Variants in PCNT observed in about 807,000 individuals in gnomAD.
PCNT encodes the protein kendrin.
A neutral mutation model predicts 380.4 loss-of-function variants in PCNT; 319 were observed. The observed-to-expected ratio is 0.84, with a 90% CI of 0.77 to 0.92. The LOEUF (loss-of-function observed/expected upper bound fraction) is 0.92. Among genes scored for constraint, PCNT ranks in the 40% least tolerant of loss-of-function variants. PCNT has a pLI of 0.00. For missense variants in PCNT, 4,400 were observed against 4,255.3 expected (o/e 1.03, Z -0.95); for synonymous variants, 1,845 against 1,735.2 (o/e 1.06, Z -1.57).
At chr21:46,352,406 G>A (rs941584402) in intron 9 of PCNT, among the ~76,000 whole-genome samples, 2 of 152,146 alleles carry the variant, frequency 1.3e-5, no homozygotes, top group Non-Finnish European at 2.9e-5. Context: ...AGAAGCTGAG[G>A]GGGCCACAGG....
intron 1 of PCNT, chr21:46,325,209 A>T (rs752114704): frequency 4.0e-5 from 39 of 985,084 alleles, no homozygotes; most frequent in Non-Finnish European, 4.6e-5. Flanking sequence ...GGCCTCTGCG[A>T]GGTGCGCGCC....
chr21:46,403,837 C>T (rs543622052), intron 27 of PCNT, among the ~76,000 whole-genome samples: 2 of 140,002 alleles, frequency 1.4e-5, no homozygotes, highest in South Asian at 2.3e-4. Context: ...ATCAACTCAG[C>T]GTGGGAGAAT....
Position 46,431,546 on chromosome 21 carries a change from GGA to G in PCNT, c.8085_8086del (p.Glu2695AspfsTer47). The G allele has an allele frequency of 6.2e-7, 1 of 1,614,066 alleles. No homozygotes were observed. Among genetic ancestry groups the G allele is most frequent in the South Asian group, 1.1e-5 (1 of 91,090 alleles). ...KALEELRASL[E>X]TQRAQSSRLC... Reference sequence around the variant, plus strand: ...CTGTCTAGGAGCTGCGGGCGTCTTTGGAGACACAGCGTGCTCAGAGCAGTCGA... The same window carrying G: ...CTGTCTAGGAGCTGCGGGCGTCTTTGGACACAGCGTGCTCAGAGCAGTCGA... On this transcript the variant is annotated frameshift_variant, in exon 38 of 47. Transcript: ENST00000359568. LOFTEE classifies it high-confidence loss of function.
chr21:46,423,800 AGAAGGG>A (rs2087366525), intron 32 of PCNT, among the ~76,000 whole-genome samples: 2 of 33,444 alleles, frequency 6.0e-5, no homozygotes, highest in African/African-American at 1.1e-4. Flanking sequence ...GAGGAGGAAG[AGAAGGG>A]GGAGTGGGAG....
At chr21:46,420,388 C>T (rs1024107340) in intron 31 of PCNT, among the ~76,000 whole-genome samples, 2 of 152,156 alleles carry the variant, frequency 1.3e-5, no homozygotes, top group African/African-American at 4.8e-5. Context: ...AACATTTGTG[C>T]TGAGTGTTCT....
rs768475159 is a variant in PCNT at position 46,349,733 on chromosome 21, A to T, written c.1257A>T (p.Leu419Phe). 4 of 1,613,970 alleles carry T rather than the reference A, an allele frequency of 2.5e-6. No homozygotes were observed. The East Asian group carries it at 8.9e-5, about 36-fold the overall frequency. The change falls in exon 8 of 47, where the codon TTA (leucine) becomes TTT (phenylalanine). Residue 419 changes from leucine to phenylalanine, a missense_variant. By Grantham distance (22) the Leu-to-Phe change is conservative. Coordinates refer to ENST00000359568, the MANE Select transcript of PCNT (RefSeq NM_006031.6). Reference protein sequence around the residue: ...ESHHQAAIEKLREDLQSEHGR... With the variant: ...ESHHQAAIEKFREDLQSEHGR... ...ATCATCAAGCAGCCATTGAGAAGTT[A>T]CGTGAAGACCTGCAGTCCGAGCACG...
intron 15 of PCNT, among the ~76,000 whole-genome samples, chr21:46,371,887 CACACAGCACAT>C (rs2085143997): frequency 1.3e-5 from 2 of 150,352 alleles, no homozygotes; most frequent in Admixed American, 6.6e-5. Flanking sequence ...AGCACATGCA[CACACAGCACAT>C]ACACAGCACA....
At chr21:46,344,604 A>G (rs914871047) in intron 3 of PCNT, among the ~76,000 whole-genome samples, 8 of 152,212 alleles carry the variant, frequency 5.3e-5, no homozygotes, top group African/African-American at 1.9e-4. Context: ...TTTAATCGGA[A>G]GTACTCTGTG....
At chr21:46,370,060 G>A (rs1042232572) in intron 15 of PCNT, among the ~76,000 whole-genome samples, 10 of 152,190 alleles carry the variant, frequency 6.6e-5, no homozygotes, top group Admixed American at 2.0e-4. Flanking sequence ...GTGCCTCCCC[G>A]GCTTCTCTGC....
At chr21:46,426,249 G>A (rs1253080096) in intron 33 of PCNT, among the ~76,000 whole-genome samples, 2 of 151,940 alleles carry the variant, frequency 1.3e-5, no homozygotes, top group Non-Finnish European at 2.9e-5. Flanking sequence ...AGCTAGGCTG[G>A]TCTTGAACTC....
chr21:46,443,442 TCAGCCTTC>T (rs2053663976), intron 44 of PCNT, among the ~76,000 whole-genome samples: 1 of 152,126 alleles, frequency 6.6e-6, no homozygotes, highest in African/African-American at 2.4e-5. Context: ...ATGCTTTGAT[TCAGCCTTC>T]AAGCCATCAG....
chr21:46,387,827 T>C (rs2085891741), intron 17 of PCNT, among the ~76,000 whole-genome samples: 1 of 152,096 alleles, frequency 6.6e-6, no homozygotes, highest in African/African-American at 2.4e-5. Flanking sequence ...TCAACGTGCC[T>C]GTCCTCAGCG....
Position 46,366,841 on chromosome 21 carries a change from A to T in PCNT, c.2867A>T (p.Asp956Val). The T allele has an allele frequency of 6.2e-7, 1 of 1,613,972 alleles. No individual in the cohort carries two copies. The highest frequency in any genetic ancestry group is 8.5e-7 in the Non-Finnish European group (1 of 1,180,034). Residue 956 changes from aspartate (D) to valine (V), a missense_variant, in exon 15 of 47, where the codon GAC (aspartate) becomes GTC (valine). By Grantham distance (152) the Asp-to-Val change is radical. Transcript: ENST00000359568. ...GAACTGCAGACAAAACACGCTGCCG[A>T]CCTCGGCGCTCTGGAGACCAGACAT... ...VAELQTKHAA[D>V]LGALETRHLS... is the part of the protein sequence containing the mutation.
intron 14 of PCNT, among the ~76,000 whole-genome samples, chr21:46,365,672 A>G (rs562742126): frequency 1.6e-4 from 19 of 119,640 alleles, no homozygotes; most frequent in African/African-American, 6.4e-4. Context: ...GGTTCTATTC[A>G]TTCACTGCCA....
At chr21:46,398,389 G>C (rs1432348718) in intron 24 of PCNT, 134 bp downstream of exon 24, 8 of 895,026 alleles carry the variant, frequency 8.9e-6, no homozygotes, top group Non-Finnish European at 1.4e-5. Flanking sequence ...TCTCTTGTCT[G>C]AGGAAGCTGT....
intron 31 of PCNT, among the ~76,000 whole-genome samples, chr21:46,420,107 G>A (rs557344141): frequency 6.6e-6 from 1 of 152,146 alleles, no homozygotes; most frequent in East Asian, 1.9e-4. Flanking sequence ...ACCTTTGAGG[G>A]GCCTGCGCGG....
chr21:46,386,063 GCTCCT>G, intron 17 of PCNT, 80 bp downstream of exon 17: 1 of 1,566,502 alleles, frequency 6.4e-7, no homozygotes, highest in Non-Finnish European at 8.7e-7. Flanking sequence ...GGTCCCCACG[GCTCCT>G]GGCCCCGTGG....
rs768926147 is a variant in PCNT, at chr21:46,381,690, A to G, written c.3166-4A>G. On this transcript the variant is annotated splice_region_variant and splice_polypyrimidine_tract_variant and intron_variant, in intron 15 of 46. Transcript: ENST00000359568. The stretch of plus-strand genomic sequence containing the variant: ...GTATTTTTTATTGTTATTGATGTGT[A>G]CAGGGTGAATTTGGAAGTGAAAAGA... The G allele has an allele frequency of 1.2e-6, 2 of 1,612,786 alleles. No individual in the cohort carries two copies. Among genetic ancestry groups the G allele is most frequent in the East Asian group, 2.2e-5 (1 of 44,878 alleles).
At chr21:46,356,467 T>C (rs11701058) in intron 12 of PCNT, among the ~76,000 whole-genome samples, 27,651 of 152,138 alleles carry the variant, frequency 0.18, 2,981 homozygotes, top group East Asian at 0.44. Context: ...TCCCTTCTGC[T>C]TTTTTCCTCT....
Sources: allele counts gnomAD v4.1 joint callset (sites outside exome capture counted in the v4.1 genomes callset), GRCh38; gene constraint gnomAD v4.1.1; transcripts MANE v1.5; gene names NCBI Gene and HGNC (gene_info 2026-07-23, HGNC 2026-07-21).